Variants in TRIM14 observed in about 807,000 individuals in gnomAD.
TRIM14 encodes the protein tripartite motif containing 14.
Under a neutral mutation model 44.5 loss-of-function variants are expected in TRIM14, and 28 were observed. The ratio of observed to expected loss-of-function variants is 0.63; its 90% CI spans 0.47 to 0.86. The LOEUF (loss-of-function observed/expected upper bound fraction) is 0.86. TRIM14 is among the 40% of genes least tolerant of loss of function. TRIM14 has a pLI of 0.00. For synonymous variants in TRIM14, 299 were observed against 269.2 expected, an observed-to-expected ratio of 1.11 and a Z score of -1.08; for missense variants, 607 against 611.1, an observed-to-expected ratio of 0.99 and a Z score of 0.07.
At chr9:98,116,636 A>G (rs1827062209) in intron 1 of TRIM14, among the ~76,000 whole-genome samples, 1 of 152,030 alleles carries the variant, frequency 6.6e-6, no homozygotes, top group African/African-American at 2.4e-5. Context: ...CAGGAATTCT[A>G]GACCAGCCTG....
intron 1 of TRIM14, among the ~76,000 whole-genome samples, chr9:98,114,198 TA>T (rs1323616992): frequency 1.3e-5 from 2 of 152,274 alleles, no homozygotes; most frequent in Non-Finnish European, 1.5e-5. Context: ...AAAAGTCTGA[TA>T]TGTCTTGGTA....
chr9:98,088,148 C>G (rs1322636595), intron 5 of TRIM14, 143 bp from the exon 6 acceptor site: 1 of 903,222 alleles, frequency 1.1e-6, no homozygotes, highest in African/African-American at 1.8e-5. Context: ...CCCCTTTAAA[C>G]CGCGACTGCC....
At chr9:98,055,300 T>C in the TRIM14 span, among the ~76,000 whole-genome samples, 1 of 152,160 alleles carries the variant, frequency 6.6e-6, no homozygotes, top group Non-Finnish European at 1.5e-5. Context: ...ATTACAGGTG[T>C]GAGCCACTAT....
intron 1 of TRIM14, among the ~76,000 whole-genome samples, chr9:98,112,585 A>C (rs1435805186): frequency 1.3e-5 from 2 of 151,676 alleles, no homozygotes; most frequent in Non-Finnish European, 2.9e-5. Context: ...CAGATCACGA[A>C]GTCAGGAGTT....
At chr9:98,090,917 C>T (rs1158068799) in intron 5 of TRIM14, among the ~76,000 whole-genome samples, 4 of 152,148 alleles carry the variant, frequency 2.6e-5, no homozygotes, top group Admixed American at 6.6e-5. Flanking sequence ...TTCAGTGCCT[C>T]TGTTTTGATA....
intron 5 of TRIM14, among the ~76,000 whole-genome samples, chr9:98,089,875 C>A (rs147928748): frequency 5.6e-4 from 85 of 152,330 alleles, no homozygotes; most frequent in African/African-American, 1.9e-3. Flanking sequence ...CAGGAGGAGC[C>A]TGTACCTCTT....
chr9:98,087,924 C>T lies in TRIM14; in HGVS notation c.875G>A (p.Gly292Asp), dbSNP rs371197846. The T allele has an allele frequency of 6.4e-7, 1 of 1,565,450 alleles. No homozygotes were observed. Among genetic ancestry groups the T allele is most frequent in the Non-Finnish European group, 8.6e-7 (1 of 1,166,046 alleles). ...CACGGGCCCCAGGCTGCCCAGCAGG[C>T]CGCAGCGCACCGTCAGGCGATCGGC... ...LSADRLTVRC[G>D]LLGSLGPVPV... The change falls in exon 6 of 6, where the codon GGC becomes GAC. Residue 292 changes from glycine to aspartate, a missense_variant. Physicochemically the swap from Gly to Asp is moderately conservative, Grantham distance 94. Around this residue, in one of 3 missense-constraint regions of TRIM14, gnomAD observed 356 missense variants for 323.0 expected, o/e 1.10. Transcript: ENST00000341469.
In TRIM14 at chr9:98,100,026, C is replaced by A; in HGVS notation, c.442G>T (p.Ala148Ser). Residue 148 changes from alanine (A) to serine (S), a missense_variant, in exon 3 of 6, where the codon GCT (alanine) becomes TCT (serine). Ala to Ser is a moderately conservative substitution (Grantham distance 99). This residue lies in a region of TRIM14 where 246 missense variants were observed against 270.8 expected (regional missense o/e 0.91). Coordinates refer to ENST00000341469, the MANE Select transcript of TRIM14 (RefSeq NM_014788.4). ...QLTLQVYREQADSCREQLDIM... is the reference protein window; with the variant it reads ...QLTLQVYREQSDSCREQLDIM... ...TCAAGTTGCTCTCTGCAAGAGTCAG[C>A]TTGTTCCCTGTACACCTGGAGGGTA... 6.2e-7 allele frequency: 1 copy of A among 1,614,220 alleles called. No homozygotes were observed. Among genetic ancestry groups the A allele is most frequent in the Non-Finnish European group, 8.5e-7 (1 of 1,180,032 alleles).
At chr9:98,103,789 G>C (rs1197059812) in intron 2 of TRIM14, among the ~76,000 whole-genome samples, 1 of 143,478 alleles carries the variant, frequency 7.0e-6, no homozygotes. Context: ...AGTGAGCCGA[G>C]ATTGTGCTAC....
chr9:98,083,507 C>G (rs1316418943), downstream of TRIM14, among the ~76,000 whole-genome samples: 1 of 152,196 alleles, frequency 6.6e-6, no homozygotes, highest in Non-Finnish European at 1.5e-5. Context: ...ATAGCAGTCA[C>G]TCCACATCAG....
intron 2 of TRIM14, among the ~76,000 whole-genome samples, chr9:98,104,738 A>G (rs986148299): frequency 3.3e-5 from 5 of 152,188 alleles, no homozygotes; most frequent in Admixed American, 2.6e-4. Context: ...AAGAGAAAGA[A>G]GCTGAACAGC....
At chr9:98,040,390 G>C in the TRIM14 span, among the ~76,000 whole-genome samples, 1 of 151,832 alleles carries the variant, frequency 6.6e-6, no homozygotes, top group Non-Finnish European at 1.5e-5. Context: ...CATTCTCCTG[G>C]ACTGCTCGGG....
Position 98,097,193 on chromosome 9 carries a change from C to CAAAA in TRIM14, c.538-2168_538-2165dup, listed in dbSNP as rs1826217884. Among the ~76,000 whole-genome samples the CAAAA allele has an allele frequency of 1.3e-5, 2 of 152,252 alleles. 1 individual carries two copies. The highest frequency in any genetic ancestry group is 6.8e-3 in the Middle Eastern group (2 of 294). On this transcript the variant is annotated intron_variant, in intron 3 of 5. Transcript: ENST00000341469. ...TGGGCAATAGAGTGAGACCCTGTCT[C>CAAAA]AAAAACAAACAAACAAACATTCCTG...
intron 1 of TRIM14, among the ~76,000 whole-genome samples, chr9:98,118,085 G>A (rs1406164543): frequency 1.3e-5 from 2 of 152,104 alleles, no homozygotes; most frequent in African/African-American, 2.4e-5. Flanking sequence ...AAAGGCTCAC[G>A]ATGGGGCTGA....
intron 6 of TRIM14, among the ~76,000 whole-genome samples, chr9:98,072,202 T>C (rs1408807978): frequency 1.3e-5 from 2 of 152,176 alleles, no homozygotes; most frequent in Non-Finnish European, 2.9e-5. Context: ...CTCCTGGGGC[T>C]ATCTGGAGGA....
the TRIM14 span, chr9:98,061,278 A>C: frequency 2.7e-6 from 1 of 370,838 alleles, no homozygotes; most frequent in Non-Finnish European, 5.1e-6. Flanking sequence ...GGAGTTCGAG[A>C]CCAGCCTGGC....
chr9:98,056,982 A>C, the TRIM14 span: 2 of 1,531,538 alleles, frequency 1.3e-6, no homozygotes, highest in Non-Finnish European at 1.8e-6. Context: ...GGGCGCCGGG[A>C]GGGGCGGGGC....
downstream of TRIM14, among the ~76,000 whole-genome samples, chr9:98,083,788 G>A (rs1829995291): frequency 6.6e-6 from 1 of 152,224 alleles, no homozygotes. Flanking sequence ...TGTGAGCCAG[G>A]CGTGCTTGTG....
At chr9:98,041,671 TTTTTTG>T in the TRIM14 span, among the ~76,000 whole-genome samples, 9 of 151,630 alleles carry the variant, frequency 5.9e-5, no homozygotes, top group African/African-American at 1.9e-4. Flanking sequence ...TTGTTTTTTG[TTTTTTG>T]TTTTTGTTTT....
Sources: allele counts gnomAD v4.1 joint callset (sites outside exome capture counted in the v4.1 genomes callset), GRCh38; gene constraint gnomAD v4.1.1; regional missense constraint gnomAD v4.1.1; transcripts MANE v1.5; gene names NCBI Gene and HGNC (gene_info 2026-07-23, HGNC 2026-07-21).